Variants in PRKG1 observed in about 807,000 individuals in gnomAD.
The protein encoded by PRKG1 is cGMP-dependent protein kinase 1.
In PRKG1, 35 loss-of-function variants were observed where a neutral mutation model predicts 88.1. That is an observed-to-expected ratio of 0.40 (90% CI 0.30 to 0.53). The LOEUF (loss-of-function observed/expected upper bound fraction) is 0.53, where lower values mean the gene tolerates loss of function less well. Among genes scored for constraint, PRKG1 ranks in the 20% least tolerant of loss-of-function variants. The probability of loss-of-function intolerance (pLI) is 0.59; values close to 1 mark genes in which losing one functional copy is unlikely to be tolerated. For missense variants in PRKG1, 540 were observed against 839.8 expected (o/e 0.64, Z 4.41); for synonymous variants, 303 against 292.5 (o/e 1.04, Z -0.37).
intron 3 of PRKG1, among the ~76,000 whole-genome samples, chr10:51,671,295 A>C (rs1840569354): frequency 6.6e-6 from 1 of 152,242 alleles, no homozygotes; most frequent in African/African-American, 2.4e-5. Flanking sequence ...TATTAGTTTC[A>C]TAGAATTGCC....
intron 5 of PRKG1, among the ~76,000 whole-genome samples, chr10:52,044,196 A>G (rs1487637689): frequency 2.0e-5 from 3 of 152,150 alleles, no homozygotes; most frequent in African/African-American, 7.2e-5. Flanking sequence ...CACTGTGAGA[A>G]GTGCTAAAAG....
intron 5 of PRKG1, among the ~76,000 whole-genome samples, chr10:51,978,641 A>C (rs1242859116): frequency 1.3e-5 from 2 of 151,404 alleles, no homozygotes; most frequent in Non-Finnish European, 3.0e-5. Flanking sequence ...TTTCTCTGTG[A>C]ATGTTTTGTA....
intron 2 of PRKG1, among the ~76,000 whole-genome samples, chr10:51,187,165 G>A (rs1589228922): frequency 6.6e-6 from 1 of 151,468 alleles, no homozygotes; most frequent in South Asian, 2.1e-4. Context: ...TCTTGGCTTG[G>A]TATGAATCAA....
At chr10:51,622,319 C>T (rs1263048337) in intron 3 of PRKG1, among the ~76,000 whole-genome samples, 1 of 152,198 alleles carries the variant, frequency 6.6e-6, no homozygotes, top group African/African-American at 2.4e-5. Context: ...AGATGCTTCA[C>T]CTTCAGGCTT....
At chr10:52,116,903 A>C (rs1330016587) in intron 7 of PRKG1, among the ~76,000 whole-genome samples, 1 of 151,928 alleles carries the variant, frequency 6.6e-6, no homozygotes, top group East Asian at 1.9e-4. Flanking sequence ...CACACAGCTG[A>C]TTAGTGGCAC....
intron 2 of PRKG1, among the ~76,000 whole-genome samples, chr10:51,288,648 A>G (rs1396711973): frequency 6.6e-6 from 1 of 152,188 alleles, no homozygotes; most frequent in Non-Finnish European, 1.5e-5. Flanking sequence ...TTGACCACAA[A>G]ATATTTAACT....
intron 14 of PRKG1, among the ~76,000 whole-genome samples, chr10:52,282,727 T>C (rs1335142506): frequency 6.6e-6 from 1 of 152,124 alleles, no homozygotes; most frequent in East Asian, 1.9e-4. Flanking sequence ...GACTGCTTTG[T>C]ACATCTTTCC....
chr10:51,989,184 GA>G (rs1212063428), intron 5 of PRKG1, among the ~76,000 whole-genome samples: 1 of 152,036 alleles, frequency 6.6e-6, no homozygotes, highest in Non-Finnish European at 1.5e-5. Flanking sequence ...CAGTTAAGTT[GA>G]ATCATAGGGT....
intron 7 of PRKG1, among the ~76,000 whole-genome samples, chr10:52,095,052 T>A (rs867980180): frequency 3.9e-5 from 6 of 152,282 alleles, no homozygotes; most frequent in African/African-American, 9.6e-5. Context: ...ATTTATTCAT[T>A]AACAGCCTCT....
chr10:51,227,377 T>C (rs1838720932), intron 2 of PRKG1, among the ~76,000 whole-genome samples: 1 of 152,160 alleles, frequency 6.6e-6, no homozygotes, highest in Non-Finnish European at 1.5e-5. Context: ...ATACTGTGTA[T>C]GCCCTGTGTT....
chr10:51,147,989 A>G (rs922795064), intron 1 of PRKG1, among the ~76,000 whole-genome samples: 13 of 152,208 alleles, frequency 8.5e-5, no homozygotes, highest in African/African-American at 3.1e-4. Flanking sequence ...GAGTTCATTC[A>G]GAAAAGTTGT....
chr10:51,718,655 C>T (rs1033764469), intron 3 of PRKG1, among the ~76,000 whole-genome samples: 1 of 152,096 alleles, frequency 6.6e-6, no homozygotes, highest in Admixed American at 6.5e-5. Context: ...AAGTACAAAT[C>T]TTTCTTACAG....
intron 2 of PRKG1, among the ~76,000 whole-genome samples, chr10:51,248,618 T>C (rs1839352726): frequency 6.6e-6 from 1 of 151,868 alleles, no homozygotes; most frequent in Non-Finnish European, 1.5e-5. Context: ...GAGAAAACTC[T>C]GATCACAGAA....
chr10:51,374,443 G>T (rs908113026), intron 2 of PRKG1, among the ~76,000 whole-genome samples: 6 of 152,042 alleles, frequency 3.9e-5, no homozygotes, highest in African/African-American at 1.4e-4. Flanking sequence ...TGGCTGCAGA[G>T]TTAACGCAGG....
intron 9 of PRKG1, among the ~76,000 whole-genome samples, chr10:52,166,870 T>A (rs187921183): frequency 0.029 from 2,088 of 73,024 alleles, 66 homozygotes; most frequent in African/African-American, 0.089. Flanking sequence ...TATCTGTATA[T>A]GTGTATGTAT....
intron 9 of PRKG1, among the ~76,000 whole-genome samples, chr10:52,204,650 G>A (rs368005670): frequency 4.6e-5 from 7 of 152,068 alleles, no homozygotes; most frequent in South Asian, 2.1e-4. Context: ...TTCCTATGCC[G>A]GTCTTTACTT....
At chr10:51,597,343 A>G (rs1169802980) in intron 3 of PRKG1, among the ~76,000 whole-genome samples, 1 of 152,158 alleles carries the variant, frequency 6.6e-6, no homozygotes, top group East Asian at 1.9e-4. Context: ...CACACTTACC[A>G]ATCACATGAG....
rs997739437 is a variant in PRKG1, at chr10:51,640,091, T to G, written c.593-164494T>G. Among the ~76,000 whole-genome samples, 5 of 152,212 alleles carry G rather than the reference T, an allele frequency of 3.3e-5. 1 individual carries two copies. Among genetic ancestry groups the G allele is most frequent in the Non-Finnish European group, 7.3e-5 (5 of 68,040 alleles). ...AGTTGTTCAATAAAGCTAAGGTGCT[T>G]CAGTCTTCATTGTCATTGTCCTCAA... On this transcript the variant is annotated intron_variant, in intron 3 of 17. Transcript: ENST00000373980.
At chr10:52,200,922 T>C (rs1408281420) in intron 9 of PRKG1, among the ~76,000 whole-genome samples, 2 of 152,204 alleles carry the variant, frequency 1.3e-5, no homozygotes, top group Admixed American at 1.3e-4. Context: ...CTTGTTAATT[T>C]GTTTAAATTC....
Sources: gnomAD v4.1 joint callset for allele counts (sites outside exome capture counted in the v4.1 genomes callset) on GRCh38, gnomAD v4.1.1 for gene constraint, MANE v1.5 for transcripts, NCBI Gene and HGNC (gene_info 2026-07-23, HGNC 2026-07-21) for gene names.